MORC1: variants seen among roughly 807,000 people sequenced by gnomAD.
The protein encoded by MORC1 is MORC family CW-type zinc finger protein 1.
A neutral mutation model predicts 134.9 loss-of-function variants in MORC1; 59 were observed. That is an observed-to-expected ratio of 0.44 (90% confidence interval 0.35 to 0.54). The LOEUF is 0.54. Ranked by LOEUF, MORC1 falls within the 20% of genes least tolerant of loss-of-function variation. The probability of loss-of-function intolerance (pLI) is 0.00; values close to 1 mark genes in which losing one functional copy is unlikely to be tolerated. For missense variants in MORC1, 947 were observed against 1,134.5 expected (o/e 0.83, Z 2.37); for synonymous variants, 395 against 391.7 (o/e 1.01, Z -0.10).
At chr3:108,990,646 A>G (rs1418945256) in intron 21 of MORC1, among the ~76,000 whole-genome samples, 1 of 152,114 alleles carries the variant, frequency 6.6e-6, no homozygotes. Flanking sequence ...CATCTTGTCT[A>G]TTGAATGATC....
chr3:108,993,613 C>T (rs905915949), intron 21 of MORC1, among the ~76,000 whole-genome samples: 15 of 152,134 alleles, frequency 9.9e-5, no homozygotes, highest in Non-Finnish European at 1.9e-4. Flanking sequence ...ATCATCAAAG[C>T]TGATGAGAAA....
intron 8 of MORC1, among the ~76,000 whole-genome samples, chr3:109,070,572 G>A (rs1220916706): frequency 1.3e-5 from 2 of 152,012 alleles, no homozygotes; most frequent in African/African-American, 2.4e-5. Flanking sequence ...TTTACTACTC[G>A]GTCACAGAAA....
At chr3:109,102,409 A>G (rs1026860736) in intron 4 of MORC1, among the ~76,000 whole-genome samples, 5 of 152,152 alleles carry the variant, frequency 3.3e-5, no homozygotes, top group African/African-American at 7.2e-5. Flanking sequence ...CAGCAGGAAA[A>G]TGTACATTAA....
At chr3:109,105,874 T>C (rs1951023200) in intron 3 of MORC1, among the ~76,000 whole-genome samples, 1 of 152,168 alleles carries the variant, frequency 6.6e-6, no homozygotes. Context: ...CGGACTACCA[T>C]TTCATTTTCC....
chr3:109,094,006 G>A (rs1315600463), intron 7 of MORC1, among the ~76,000 whole-genome samples: 2 of 152,052 alleles, frequency 1.3e-5, no homozygotes, highest in African/African-American at 4.8e-5. Flanking sequence ...TCCATAAAGG[G>A]CCAGATAGTA....
At chr3:109,011,518 G>GTTTTTTT (rs1224840111) in intron 17 of MORC1, among the ~76,000 whole-genome samples, 1 of 146,094 alleles carries the variant, frequency 6.8e-6, no homozygotes, top group African/African-American at 2.6e-5. Flanking sequence ...TTTGTGCTTT[G>GTTTTTTT]TTTTTGTTTT....
intron 8 of MORC1, among the ~76,000 whole-genome samples, chr3:109,090,400 C>G (rs1950693448): frequency 1.3e-5 from 2 of 151,874 alleles, no homozygotes; most frequent in Non-Finnish European, 2.9e-5. Flanking sequence ...GGTGGATCAC[C>G]TGAGGTTAGG....
intron 8 of MORC1, among the ~76,000 whole-genome samples, chr3:109,076,025 C>CT (rs1413122067): frequency 6.6e-6 from 1 of 152,018 alleles, no homozygotes; most frequent in Non-Finnish European, 1.5e-5. Context: ...GCAAAAGAAA[C>CT]TATCATCAGA....
chr3:108,966,961 G>C (rs1350906996), intron 26 of MORC1, among the ~76,000 whole-genome samples: 1 of 152,216 alleles, frequency 6.6e-6, no homozygotes, highest in Non-Finnish European at 1.5e-5. Context: ...TACAATAGTA[G>C]TTATGAAAAC....
At chr3:109,110,860 T>C (rs1951150779) in intron 2 of MORC1, 77 bp from the exon 3 acceptor site, 1 of 1,103,808 alleles carries the variant, frequency 9.1e-7, no homozygotes, top group Non-Finnish European at 1.3e-6. Context: ...TTGTCAGATA[T>C]CAAACAATAC....
intron 22 of MORC1, 35 bp downstream of exon 22, chr3:108,986,845 A>AAG (rs776239202): frequency 1.6e-6 from 2 of 1,245,016 alleles, no homozygotes; most frequent in Non-Finnish European, 2.2e-6. Flanking sequence ...CATTATAGCT[A>AAG]ATATATATAT....
chr3:109,085,475 A>G (rs922761693), intron 8 of MORC1, among the ~76,000 whole-genome samples: 3 of 152,194 alleles, frequency 2.0e-5, no homozygotes, highest in African/African-American at 4.8e-5. Flanking sequence ...TTCTCAAAAG[A>G]CAACATACAA....
At chr3:109,080,026 C>T (rs1250834577) in intron 8 of MORC1, among the ~76,000 whole-genome samples, 3 of 152,132 alleles carry the variant, frequency 2.0e-5, no homozygotes, top group African/African-American at 7.2e-5. Flanking sequence ...ATCTTCTCAA[C>T]AACCCCTGGA....
chr3:109,065,707 CA>C (rs1950180395), intron 9 of MORC1, among the ~76,000 whole-genome samples: 1 of 152,188 alleles, frequency 6.6e-6, no homozygotes, highest in South Asian at 2.1e-4. Flanking sequence ...CCAAAAGACA[CA>C]CACACTCATA....
At chr3:109,082,517 A>T (rs1046318340) in intron 8 of MORC1, among the ~76,000 whole-genome samples, 2 of 152,172 alleles carry the variant, frequency 1.3e-5, no homozygotes, top group African/African-American at 4.8e-5. Context: ...GTTTTAAGGA[A>T]ACTCAGTGGT....
At chr3:109,037,543 C>A (rs1252227416) in intron 14 of MORC1, among the ~76,000 whole-genome samples, 2 of 152,194 alleles carry the variant, frequency 1.3e-5, no homozygotes, top group African/African-American at 4.8e-5. Context: ...CTGCACCCAT[C>A]AACTCGTCGT....
At chr3:109,017,719 CT>C (rs1948849426) in intron 17 of MORC1, among the ~76,000 whole-genome samples, 1 of 152,158 alleles carries the variant, frequency 6.6e-6, no homozygotes, top group Non-Finnish European at 1.5e-5. Context: ...ATCTGAGTTA[CT>C]TAATGAGTAG....
chr3:109,090,742 C>T (rs1022982829), intron 8 of MORC1, among the ~76,000 whole-genome samples: 3 of 151,802 alleles, frequency 2.0e-5, no homozygotes, highest in Non-Finnish European at 2.9e-5. Context: ...TTTCACATTC[C>T]TACACAGAAA....
intron 10 of MORC1, among the ~76,000 whole-genome samples, chr3:109,062,885 C>A (rs561367441): frequency 1.3e-5 from 2 of 152,212 alleles, no homozygotes; most frequent in Non-Finnish European, 2.9e-5. Flanking sequence ...CCACCATGCC[C>A]AGACAGACAA....
Sources: allele counts gnomAD v4.1 joint callset (sites outside exome capture counted in the v4.1 genomes callset), GRCh38; gene constraint gnomAD v4.1.1; transcripts MANE v1.5; gene names NCBI Gene and HGNC (gene_info 2026-07-23, HGNC 2026-07-21).